BLOC1S3: variants seen among roughly 807,000 people sequenced by gnomAD.
BLOC1S3 encodes biogenesis of lysosomal organelles complex 1 subunit 3, also known as biogenesis of lysosome-related organelles complex 1 subunit 3.
In BLOC1S3, 7 loss-of-function variants were observed where a neutral mutation model predicts 9.1. The observed-to-expected ratio is 0.77, with a 90% CI of 0.44 to 1.45. The LOEUF is 1.45. BLOC1S3 is among the 40% of genes most tolerant of loss of function. The pLI is 0.01. For synonymous variants in BLOC1S3, 145 were observed against 158.4 expected, an observed-to-expected ratio of 0.92 and a Z score of 0.64; for missense variants, 307 against 315.2, an observed-to-expected ratio of 0.97 and a Z score of 0.20.
intron 2 of BLOC1S3, among the ~76,000 whole-genome samples, chr19:45,191,922 G>T (rs1319687814): frequency 1.3e-5 from 2 of 152,198 alleles, no homozygotes; most frequent in African/African-American, 2.4e-5. Flanking sequence ...GGTCAGCACT[G>T]CCTGGGTACC....
At chr19:45,187,987 T>C (rs1207713084) in intron 2 of BLOC1S3, among the ~76,000 whole-genome samples, 1 of 152,118 alleles carries the variant, frequency 6.6e-6, no homozygotes, top group African/African-American at 2.4e-5. Context: ...AAATGGGGTA[T>C]CCACTCCCTC....
intron 3 of BLOC1S3, among the ~76,000 whole-genome samples, chr19:45,214,531 C>T (rs1187865841): frequency 6.6e-6 from 1 of 152,030 alleles, no homozygotes; most frequent in East Asian, 1.9e-4. Flanking sequence ...GTGGCGCGAT[C>T]TCAGCTCACT....
intron 2 of BLOC1S3, among the ~76,000 whole-genome samples, chr19:45,195,220 C>T (rs1444551614): frequency 1.3e-5 from 2 of 151,432 alleles, no homozygotes; most frequent in African/African-American, 4.9e-5. Flanking sequence ...ATTTTTTATT[C>T]TTTTTGAGGC....
At chr19:45,213,949 A>T (rs1969806595) in intron 3 of BLOC1S3, among the ~76,000 whole-genome samples, 1 of 151,772 alleles carries the variant, frequency 6.6e-6, no homozygotes, top group Non-Finnish European at 1.5e-5. Flanking sequence ...GCGAGACTCC[A>T]TTTCAAAAGT....
intron 3 of BLOC1S3, among the ~76,000 whole-genome samples, chr19:45,214,316 C>T (rs1340681729): frequency 6.6e-6 from 1 of 152,146 alleles, no homozygotes; most frequent in Non-Finnish European, 1.5e-5. Context: ...TTCTGTTTCT[C>T]TGAGTATGTC....
chr19:45,203,529 C>T (rs1273489427), intron 3 of BLOC1S3, among the ~76,000 whole-genome samples: 2 of 152,172 alleles, frequency 1.3e-5, no homozygotes, highest in Admixed American at 6.6e-5. Flanking sequence ...GCCTAAGCTT[C>T]CCAAAGTGCT....
In BLOC1S3 at chr19:45,180,032, G is replaced by C; in HGVS notation, c.*127G>C. 1 of 1,071,586 alleles carries C rather than the reference G, an allele frequency of 9.3e-7. No homozygotes were observed. The highest frequency in any genetic ancestry group is 1.3e-6 in the Non-Finnish European group (1 of 749,716). The allele number at this position is 1,071,586 out of a possible 1,614,324, so 66.4% of individuals were successfully genotyped here. ...CTCCCATCTTGGTGTCACCCATGGGGGCTAATCCGGTCCCCTTGGATAATG... is the reference window on the plus strand; with the variant it reads ...CTCCCATCTTGGTGTCACCCATGGGCGCTAATCCGGTCCCCTTGGATAATG... On this transcript the variant is annotated 3_prime_UTR_variant, in exon 2 of 2. Coordinates refer to ENST00000433642, the MANE Select transcript of BLOC1S3 (RefSeq NM_212550.5).
intron 2 of BLOC1S3, among the ~76,000 whole-genome samples, chr19:45,197,153 A>C (rs1431732648): frequency 6.6e-6 from 1 of 151,876 alleles, no homozygotes; most frequent in Non-Finnish European, 1.5e-5. Flanking sequence ...GTGCCACTGC[A>C]CTCCAGCCTG....
At chr19:45,216,277 C>T (rs970803249) in intron 3 of BLOC1S3, 25 of 1,531,826 alleles carry the variant, frequency 1.6e-5, no homozygotes, top group Non-Finnish European at 2.2e-5. Flanking sequence ...GTTATACCAT[C>T]TCTAAAATGT....
chr19:45,214,665 A>G (rs1199024114), intron 3 of BLOC1S3, among the ~76,000 whole-genome samples: 1 of 151,522 alleles, frequency 6.6e-6, no homozygotes, highest in African/African-American at 2.4e-5. Context: ...GTGTTTCACC[A>G]TGTTGGCCAG....
In BLOC1S3 at chr19:45,181,402, G is replaced by A; in HGVS notation, c.*1497G>A. On this transcript the variant is annotated 3_prime_UTR_variant, in exon 2 of 2. Transcript: ENST00000433642. ...GCTCTCAACTCTGTAGGCCAAGGTG[G>A]CGTCTCCTCTTGACTCTCCAGACCT... The A allele has an allele frequency of 6.0e-6, 1 of 167,246 alleles. No homozygotes were observed. The allele number at this position is 167,246 out of a possible 1,614,324, so 10.4% of individuals were successfully genotyped here.
chr19:45,184,940 G>C (rs74943848), downstream of BLOC1S3, among the ~76,000 whole-genome samples: 1 of 136,528 alleles, frequency 7.3e-6, no homozygotes, highest in Admixed American at 7.2e-5. Flanking sequence ...AAGGAAGGAA[G>C]GGAGGGAGGG....
chr19:45,209,505 T>G (rs1568477075), intron 3 of BLOC1S3, among the ~76,000 whole-genome samples: 1 of 152,098 alleles, frequency 6.6e-6, no homozygotes, highest in Non-Finnish European at 1.5e-5. Context: ...CACTGCAAGC[T>G]CCGCCTCCCG....
chr19:45,179,503 G>A lies in BLOC1S3; in HGVS notation c.207G>A (p.Pro69=), dbSNP rs1231019780. 3 of 1,523,770 alleles carry A rather than the reference G, an allele frequency of 2.0e-6. No individual in the cohort carries two copies. The highest frequency in any genetic ancestry group is 2.0e-5 in the Admixed American group (1 of 50,384). The allele number at this position is 1,523,770 out of a possible 1,614,324, so 94.4% of individuals were successfully genotyped here. Residue 69 remains proline (P), a synonymous_variant, in exon 2 of 2, where the codon CCG becomes CCA. Transcript: ENST00000433642. This position sits in a 1 kb window ranked among gnomAD's most constrained non-coding sequence, Gnocchi z 4.6. ...EAAETDSEPE[P]EPEPTAAPRD... ...CGGAGACCGACTCGGAGCCGGAGCC[G>A]GAGCCGGAACCGACGGCCGCGCCGA...
chr19:45,212,276 C>T (rs991487054), intron 3 of BLOC1S3, among the ~76,000 whole-genome samples: 46 of 152,356 alleles, frequency 3.0e-4, no homozygotes, highest in African/African-American at 1.1e-3. Context: ...GAGCTGGAGC[C>T]CAGCCCGGCC....
At chr19:45,215,565 G>GGATGAT (rs369100560) in intron 3 of BLOC1S3, among the ~76,000 whole-genome samples, 1 of 151,934 alleles carries the variant, frequency 6.6e-6, no homozygotes, top group Admixed American at 6.6e-5. Flanking sequence ...CTATAGTCAT[G>GGATGAT]GATGATGATG....
At chr19:45,193,152 A>C (rs981456176) in intron 2 of BLOC1S3, among the ~76,000 whole-genome samples, 1 of 143,992 alleles carries the variant, frequency 6.9e-6, no homozygotes, top group African/African-American at 2.9e-5. Context: ...AAAAAAAAAA[A>C]AAAAAAAAGA....
chr19:45,209,923 G>A, intron 3 of BLOC1S3, among the ~76,000 whole-genome samples: 1 of 151,280 alleles, frequency 6.6e-6, no homozygotes. Flanking sequence ...GTAAAGATGG[G>A]GTTTCACTGT....
At chr19:45,191,898 C>T (rs1041337297) in intron 2 of BLOC1S3, among the ~76,000 whole-genome samples, 1 of 152,224 alleles carries the variant, frequency 6.6e-6, no homozygotes, top group Non-Finnish European at 1.5e-5. Context: ...CACGGGGTCT[C>T]CCCCAAGGCC....
Sources: allele counts gnomAD v4.1 joint callset (sites outside exome capture counted in the v4.1 genomes callset), GRCh38; gene constraint gnomAD v4.1.1; non-coding constraint Gnocchi (gnomAD v3.1); transcripts MANE v1.5; gene names NCBI Gene and HGNC (gene_info 2026-07-23, HGNC 2026-07-21).